The following KDM5C variants were observed in gnomAD, a reference collection of about 807,000 sequenced individuals.
KDM5C encodes the protein lysine-specific demethylase 5C.
KDM5C carries 16 observed loss-of-function variants against 110.6 expected under a neutral mutation model. That is an observed-to-expected ratio of 0.14 (90% CI 0.10 to 0.22). The LOEUF is 0.22. Ranked by LOEUF, KDM5C falls within the 10% of genes least tolerant of loss-of-function variation. The pLI is 1.00. For missense variants in KDM5C, 681 were observed against 1,300.9 expected, an observed-to-expected ratio of 0.52 and a Z score of 7.33; for synonymous variants, 511 against 520.4, an observed-to-expected ratio of 0.98 and a Z score of 0.24.
chrX:53,194,828 G>T, intron 22 of KDM5C, 90 bp from the exon 23 acceptor site: 1 of 1,190,242 alleles, frequency 8.4e-7, no homozygotes, highest in Non-Finnish European at 1.1e-6. Flanking sequence ...TCCCAAACCA[G>T]GAGAACTGAG....
intron 5 of KDM5C, 101 bp from the exon 6 acceptor site, chrX:53,216,298 T>C (rs1348148805): frequency 5.2e-5 from 58 of 1,108,576 alleles, no homozygotes; most frequent in Non-Finnish European, 6.6e-5. Flanking sequence ...GATCTCATGC[T>C]GAGGGCTGAG....
At chrX:53,221,636 A>G (rs2073900195) in intron 1 of KDM5C, 1 of 645,070 alleles carries the variant, frequency 1.6e-6, no homozygotes, top group South Asian at 2.3e-5. Flanking sequence ...GGCCTGAGAT[A>G]GACACTGCAG....
chrX:53,193,880 G>A (rs781801693), intron 23 of KDM5C, 29 bp from the exon 24 acceptor site: 2 of 1,169,848 alleles, frequency 1.7e-6, no homozygotes, highest in Non-Finnish European at 2.3e-6. Context: ...ATAGGTAGGG[G>A]CAACTGAAGT....
intron 3 of KDM5C, 43 bp from the exon 4 acceptor site, chrX:53,218,009 T>TTTA: frequency 8.5e-7 from 1 of 1,177,489 alleles, no homozygotes; most frequent in Middle Eastern, 2.4e-4. Context: ...GCCACGTGTA[T>TTTA]TTATATGTGA....
At chrX:53,179,958 A>C (rs1933989300) in intron 25 of KDM5C, among the ~76,000 whole-genome samples, 1 of 112,283 alleles carries the variant, frequency 8.9e-6, no homozygotes, top group Admixed American at 9.5e-5. Flanking sequence ...TTGAAAATTT[A>C]CAACTACATA....
At position 53,201,984 on chromosome X, in the gene KDM5C, C is replaced by G; in HGVS notation, c.1747-11G>C. 13 of 1,211,634 alleles carry G rather than the reference C, an allele frequency of 1.1e-5. No individual in the cohort carries two copies. Among genetic ancestry groups the G allele is most frequent in the Non-Finnish European group, 1.5e-5 (13 of 895,393 alleles). On this transcript the variant is annotated splice_polypyrimidine_tract_variant and intron_variant, in intron 12 of 25. Coordinates refer to ENST00000375401, the MANE Select transcript of KDM5C (RefSeq NM_004187.5). ...GTTTGTGCGGACAACCTGAAGAACA[C>G]AAAAGGCCATGGCTGTTGAGATAGA...
At chrX:53,207,300 G>A (rs2073375146) in intron 12 of KDM5C, among the ~76,000 whole-genome samples, 1 of 109,584 alleles carries the variant, frequency 9.1e-6, no homozygotes, top group South Asian at 3.9e-4. Flanking sequence ...CCATTTCTAT[G>A]TGTAATTGGC....
chrX:53,193,942 G>A (rs1436300926), intron 23 of KDM5C, 91 bp from the exon 24 acceptor site: 6 of 969,284 alleles, frequency 6.2e-6, no homozygotes, highest in Non-Finnish European at 8.7e-6. Flanking sequence ...GAGACCCTCC[G>A]CCTTCTGGAG....
chrX:53,182,349 C>A (rs931550025), intron 25 of KDM5C, among the ~76,000 whole-genome samples: 2 of 111,693 alleles, frequency 1.8e-5, no homozygotes, highest in East Asian at 5.6e-4. Context: ...TCCCAAAGTG[C>A]TGGGATTACA....
At chrX:53,222,632 G>A (rs182856397) in intron 1 of KDM5C, among the ~76,000 whole-genome samples, 2 of 111,885 alleles carry the variant, frequency 1.8e-5, no homozygotes, top group Admixed American at 1.9e-4. Context: ...GGAAGGCCCT[G>A]CAAACCGCCT....
intron 8 of KDM5C, among the ~76,000 whole-genome samples, chrX:53,214,058 G>C (rs781899635): frequency 9.1e-6 from 1 of 109,917 alleles, no homozygotes; most frequent in Non-Finnish European, 1.9e-5. Flanking sequence ...GGGCTCAAGC[G>C]ATCCTCCCAC....
Position 53,198,595 on chromosome X carries a change from C to T in KDM5C, c.2411G>A (p.Arg804Gln), listed in dbSNP as rs1556839568. Residue 804 changes from arginine (R) to glutamine (Q), a missense_variant, in exon 17 of 26, where the codon CGG (arginine) becomes CAG (glutamine). Around this residue, in one of 14 missense-constraint regions of KDM5C, gnomAD observed 123 missense variants for 169.0 expected, o/e 0.73. Coordinates refer to ENST00000375401, the MANE Select transcript of KDM5C (RefSeq NM_004187.5). ...CAGCAGCTCACTATTAGGAAACCTC[C>T]GCTCACGGGCTTCAGACTCTAGTGC... The part of the protein sequence containing the change: ...LRALESEARE[R>Q]RFPNSELLQQ... 2.5e-6 allele frequency: 3 copies of T among 1,211,783 alleles called. No homozygotes were observed. Among genetic ancestry groups the T allele is most frequent in the Admixed American group, 2.2e-5 (1 of 46,039 alleles).
rs145226306 is a variant in KDM5C, at chrX:53,203,828, G to A, written c.1747-1855C>T. ...GTCGCCCAGGCTACAGTGCCGTGGT[G>A]CAATTTCGGCTCACTGCAACCTCGG... is the stretch of plus-strand genomic sequence containing the variant. On this transcript the variant is annotated intron_variant, in intron 12 of 25. Transcript: ENST00000375401. 8.0e-3 allele frequency among the ~76,000 whole-genome samples: 873 copies of A among 108,479 alleles called. 11 individuals carry two copies. Among genetic ancestry groups the A allele is most frequent in the African/African-American group, 0.028 (829 of 29,739 alleles). 94.2% of individuals were successfully genotyped at this position (108,479 alleles called of 115,157 possible).
chrX:53,206,511 A>G (rs782374782), intron 12 of KDM5C, among the ~76,000 whole-genome samples: 2 of 111,787 alleles, frequency 1.8e-5, no homozygotes, highest in Non-Finnish European at 3.8e-5. Context: ...ATAGTAACAA[A>G]GCGAAAATCA....
chrX:53,215,593 T>G, intron 7 of KDM5C: 1 of 467,245 alleles, frequency 2.1e-6, no homozygotes, highest in Non-Finnish European at 3.8e-6. Context: ...CAGCACTTCA[T>G]GTTGACAGCA....
At chrX:53,178,964 G>T (rs1347532715) in intron 25 of KDM5C, among the ~76,000 whole-genome samples, 3 of 111,854 alleles carry the variant, frequency 2.7e-5, no homozygotes, top group African/African-American at 9.8e-5. Flanking sequence ...TCCGGGGGTG[G>T]TGGCTCACGC....
chrX:53,214,953 A>G lies in KDM5C; in HGVS notation c.964-106T>C. On this transcript the variant is annotated intron_variant, in intron 7 of 25. Coordinates refer to ENST00000375401, the MANE Select transcript of KDM5C (RefSeq NM_004187.5). The stretch of plus-strand genomic sequence containing the variant: ...CTAGTCATGCTAGGTCTGGAGCTCA[A>G]CTGCACGTATGTACCATCTCCCCAA... 2.1e-5 allele frequency: 18 copies of G among 854,488 alleles called. No homozygotes were observed. The South Asian group carries it at 3.9e-4, about 18-fold the overall frequency. 70.4% of individuals were successfully genotyped at this position (854,488 alleles called of 1,213,427 possible). A position where few individuals can be genotyped will look rare whatever the true frequency, so the allele number is the denominator to read the frequency against.
chrX:53,190,773 G>A (rs182319057), downstream of KDM5C, among the ~76,000 whole-genome samples: 185 of 111,662 alleles, frequency 1.7e-3, no homozygotes, highest in Middle Eastern at 0.014. Flanking sequence ...AGAAGAGGGC[G>A]GGCTTTCTTA....
Position 53,181,734 on chromosome X carries a change from G to A in KDM5C, c.4309-5112C>T, listed in dbSNP as rs182894154. On this transcript the variant is annotated intron_variant, in intron 25 of 25. Transcript: ENST00000685641. ...AAAAAGAAACCTCCATAATATGTGA[G>A]AACTGATTCTATGGATGATAGATCG... Among the ~76,000 whole-genome samples, 3 of 103,253 alleles carry A rather than the reference G, an allele frequency of 2.9e-5. No individual in the cohort carries two copies. The Admixed American group carries it at 3.1e-4, about 11-fold the overall frequency. 89.7% of individuals were successfully genotyped at this position (103,253 alleles called of 115,157 possible).
Sources: gnomAD v4.1 joint callset for allele counts (sites outside exome capture counted in the v4.1 genomes callset) on GRCh38, gnomAD v4.1.1 for gene constraint, gnomAD v4.1.1 regional missense constraint, MANE v1.5 for transcripts, NCBI Gene and HGNC (gene_info 2026-07-23, HGNC 2026-07-21) for gene names.